Variants in CTCFL observed in about 807,000 individuals in gnomAD.
CTCFL encodes transcriptional repressor CTCFL.
A neutral mutation model predicts 67.4 loss-of-function variants in CTCFL; 36 were observed. The ratio of observed to expected loss-of-function variants is 0.53; its 90% CI spans 0.41 to 0.71. The LOEUF is 0.71. Ranked by LOEUF, CTCFL falls within the 30% of genes least tolerant of loss-of-function variation. CTCFL has a pLI of 0.00. For missense variants in CTCFL, 786 were observed against 835.2 expected (o/e 0.94, Z 0.73); for synonymous variants, 324 against 302.3 (o/e 1.07, Z -0.75).
Position 57,523,062 on chromosome 20 carries a change from GCC to G in CTCFL, c.754+4_754+5del. 6.2e-7 allele frequency: 1 copy of G among 1,611,982 alleles called. No homozygotes were observed. Among genetic ancestry groups the G allele is most frequent in the African/African-American group, 1.3e-5 (1 of 74,936 alleles). ...GGAGTGTATTCTATGAGATGAACTG[GCC>G]TACCCTTTGTCTTTCTTTGATTTTT... On this transcript the variant is annotated splice_donor_5th_base_variant and intron_variant, in intron 3 of 10. Coordinates refer to ENST00000243914, the MANE Select transcript of CTCFL (RefSeq NM_001386993.1).
rs1412163123 is a variant in CTCFL at position 57,497,730 on chromosome 20, C to G, written c.*820G>C. 2.0e-6 allele frequency: 2 copies of G among 984,472 alleles called. No homozygotes were observed. The highest frequency in any genetic ancestry group is 2.4e-6 in the Non-Finnish European group (2 of 829,478). The allele number at this position is 984,472 out of a possible 1,614,324, so 61.0% of individuals were successfully genotyped here. On this transcript the variant is annotated 3_prime_UTR_variant, in exon 11 of 11. Transcript: ENST00000243914. ...TCTTCTCACTCTGCCAATTATTTTA[C>G]AAATATAAAAAGAGTAGTTTTAGCA... is the stretch of plus-strand genomic sequence containing the variant.
intron 7 of CTCFL, among the ~76,000 whole-genome samples, chr20:57,513,053 G>A (rs74812485): frequency 3.3e-4 from 50 of 152,232 alleles, no homozygotes; most frequent in Non-Finnish European, 6.6e-4. Context: ...TGCTTTAAAC[G>A]AACAGAATGC....
Position 57,524,103 on chromosome 20 carries a change from C to G in CTCFL, c.103G>C (p.Val35Leu). Residue 35 changes from valine (V) to leucine (L), a missense_variant, in exon 2 of 11, where the codon GTG (valine) becomes CTG (leucine). Val to Leu is a conservative substitution (Grantham distance 32, BLOSUM62 1). Coordinates refer to ENST00000243914, the MANE Select transcript of CTCFL (RefSeq NM_001386993.1). ...CTCCGATGGTCTTTCTCTCTGCACA[C>G]TCCGTCTTTTTCCTCCTCCTTCAGG... is the stretch of plus-strand genomic sequence containing the variant. ...KGLKEEEKDG[V>L]CREKDHRSPS... The G allele has an allele frequency of 1.9e-6, 3 of 1,613,812 alleles. No individual in the cohort carries two copies. Among genetic ancestry groups the G allele is most frequent in the Non-Finnish European group, 2.5e-6 (3 of 1,180,000 alleles).
At chr20:57,519,501 T>TA in intron 3 of CTCFL, 124 bp from the exon 4 acceptor site, 1 of 815,930 alleles carries the variant, frequency 1.2e-6, no homozygotes, top group South Asian at 1.6e-5. Flanking sequence ...ATGCTATTTA[T>TA]ATCCACAAGC....
At position 57,508,614 on chromosome 20, in the gene CTCFL, A is replaced by C; in HGVS notation, c.1666T>G (p.Ser556Ala). ...YKCSKCGKGF[S>A]RWINLHRHSE... ...GACTTAAGTAAGCTTACCCAGCGGG[A>C]AAAGCCTTTGCCACACTTGGAGCAT... Residue 556 changes from serine (S) to alanine (A), a missense_variant, in exon 9 of 11, where the codon TCC becomes GCC. This residue lies in a region of CTCFL where 199 missense variants were observed against 196.7 expected (regional missense o/e 1.01). Transcript: ENST00000243914. 1.9e-6 allele frequency: 3 copies of C among 1,613,928 alleles called. No individual in the cohort carries two copies. Among genetic ancestry groups the C allele is most frequent in the Non-Finnish European group, 2.5e-6 (3 of 1,179,818 alleles).
At chr20:57,521,627 A>C (rs143422096) in intron 3 of CTCFL, among the ~76,000 whole-genome samples, 32 of 152,386 alleles carry the variant, frequency 2.1e-4, no homozygotes, top group African/African-American at 7.2e-4. Context: ...ACAGATGGTC[A>C]TAAGAACACC....
chr20:57,504,069 T>TG (rs1432469082), intron 9 of CTCFL, among the ~76,000 whole-genome samples: 3 of 147,432 alleles, frequency 2.0e-5, no homozygotes, highest in East Asian at 4.1e-4. Context: ...CTCCGCCTCC[T>TG]GGGTTCACGT....
rs796243671 is a variant in CTCFL at position 57,524,181 on chromosome 20, G to A, written c.25C>T (p.Leu9Phe). Residue 9 changes from leucine (L) to phenylalanine (F), a missense_variant, in exon 2 of 11, where the codon CTT (leucine) becomes TTT (phenylalanine). Transcript: ENST00000243914. ...TTGATCTTGGTGAATTGCTCAGAAA[G>A]GACAGAGATCTCAGTGGCTGCCATA... MAATEISV[L>F]SEQFTKIKEL... 11 of 1,613,216 alleles carry A rather than the reference G, an allele frequency of 6.8e-6. No individual in the cohort carries two copies. The highest frequency in any genetic ancestry group is 8.5e-6 in the Non-Finnish European group (10 of 1,179,898).
chr20:57,497,779 T>C lies in CTCFL; in HGVS notation c.*771A>G. 2.0e-6 allele frequency: 2 copies of C among 984,928 alleles called. No individual in the cohort carries two copies. Among genetic ancestry groups the C allele is most frequent in the Non-Finnish European group, 2.4e-6 (2 of 829,508 alleles). 61.0% of individuals were successfully genotyped at this position (984,928 alleles called of 1,614,324 possible). On this transcript the variant is annotated 3_prime_UTR_variant, in exon 11 of 11. Coordinates refer to ENST00000243914, the MANE Select transcript of CTCFL (RefSeq NM_001386993.1). ...CAGAAAAAAGGGTTATGGAGTGAAA[T>C]ACTAATAAGCAATAATGGAATGTAA...
chr20:57,500,439 A>AAAAAAC (rs1336535512), intron 10 of CTCFL: 2 of 165,482 alleles, frequency 1.2e-5, no homozygotes, highest in Non-Finnish European at 1.3e-5. Context: ...CTCTGTCTTA[A>AAAAAAC]AAAAACAAAA....
At chr20:57,497,132 G>A (rs576333651), downstream of CTCFL, 1 of 541,274 alleles carries the variant, frequency 1.8e-6, no homozygotes, top group Non-Finnish European at 2.4e-6. Context: ...CAAAGAAGAT[G>A]TTTTTAAAGA....
intron 7 of CTCFL, chr20:57,513,521 G>A: frequency 1.9e-6 from 2 of 1,067,742 alleles, no homozygotes; most frequent in Non-Finnish European, 2.3e-6. Context: ...TATGTGGAGT[G>A]TATCACCCAC....
At position 57,507,820 on chromosome 20, in the gene CTCFL, T is replaced by C. The variant is rs189567839; in HGVS notation, c.1674+786A>G. The C allele has an allele frequency of 7.4e-5, 52 of 703,080 alleles. No individual in the cohort carries two copies. The Middle Eastern group carries it at 1.6e-3, about 22-fold the overall frequency. 43.6% of individuals were successfully genotyped at this position (703,080 alleles called of 1,614,324 possible). ...GTCAGGTGATAAATGTTTGTGGTTT[T>C]AAGCCACTCCATTTTGAGGTAATCT... On this transcript the variant is annotated intron_variant, in intron 9 of 10. Transcript: ENST00000243914.
intron 8 of CTCFL, 148 bp downstream of exon 8, chr20:57,512,444 G>A (rs751065828): frequency 1.2e-4 from 88 of 735,128 alleles, no homozygotes; most frequent in African/African-American, 5.5e-4. Flanking sequence ...TTGAATGACT[G>A]GCTCACAGTT....
rs1555851901 is a variant in CTCFL, at chr20:57,511,596, C to CT, written c.1491+995dup. On this transcript the variant is annotated intron_variant, in intron 8 of 10. Transcript: ENST00000243914. ...TAAAAAAATCACTCTAATCCCCCCC[C>CT]TTTTTTTTTTTTTGAGATGGAGTTT... is the stretch of plus-strand genomic sequence containing the variant. Among the ~76,000 whole-genome samples, 762 of 135,082 alleles carry CT rather than the reference C, an allele frequency of 5.6e-3. 1 individual carries two copies. The highest frequency in any genetic ancestry group is 7.9e-3 in the African/African-American group (286 of 36,162). 88.6% of individuals were successfully genotyped at this position (135,082 alleles called of 152,430 possible).
At position 57,498,707 on chromosome 20, in the gene CTCFL, GA is replaced by G. The variant is rs776987039; in HGVS notation, c.1841-7del. On this transcript the variant is annotated splice_region_variant and splice_polypyrimidine_tract_variant and intron_variant, in intron 10 of 10. Transcript: ENST00000243914. ...AGCCTCCTCAGCAGCAGCTTCTTGA[GA>G]AAAAGTCCAGGATGAGCAAATTTAT... The G allele has an allele frequency of 4.4e-6, 7 of 1,608,448 alleles. No homozygotes were observed. The South Asian group carries it at 6.7e-5, about 15-fold the overall frequency.
chr20:57,518,057 C>G (rs1722633195), intron 5 of CTCFL, among the ~76,000 whole-genome samples: 1 of 152,186 alleles, frequency 6.6e-6, no homozygotes, highest in African/African-American at 2.4e-5. Context: ...ATTTAATCAT[C>G]AGCTGTTCCC....
chr20:57,496,382 C>G (rs1209337507), downstream of CTCFL: 1 of 576,206 alleles, frequency 1.7e-6, no homozygotes, highest in Non-Finnish European at 3.2e-6. Context: ...TCAATTAAAA[C>G]TCTTTTCTTT....
chr20:57,505,881 G>A (rs747907577), intron 9 of CTCFL, among the ~76,000 whole-genome samples: 2 of 152,170 alleles, frequency 1.3e-5, no homozygotes, highest in South Asian at 4.1e-4. Context: ...AAAAAAACTG[G>A]CAACAGGTGT....
Sources: allele counts gnomAD v4.1 joint callset (sites outside exome capture counted in the v4.1 genomes callset), GRCh38; gene constraint gnomAD v4.1.1; regional missense constraint gnomAD v4.1.1; transcripts MANE v1.5; gene names NCBI Gene and HGNC (gene_info 2026-07-23, HGNC 2026-07-21).